The following OPN3 variants were observed in gnomAD, a reference collection of about 807,000 sequenced individuals.
The protein encoded by OPN3 is opsin-3.
OPN3 carries 29 observed loss-of-function variants against 33.8 expected under a neutral mutation model. The observed-to-expected ratio is 0.86, with a 90% CI of 0.64 to 1.17. The LOEUF (loss-of-function observed/expected upper bound fraction) is 1.17. Ranked by LOEUF, OPN3 falls within the 50% of genes most tolerant of loss-of-function variation. The pLI is 0.00. For missense variants in OPN3, 437 were observed against 514.1 expected, an observed-to-expected ratio of 0.85 and a Z score of 1.45; for synonymous variants, 216 against 216.1, an observed-to-expected ratio of 1.00 and a Z score of 0.00.
intron 1 of OPN3, among the ~76,000 whole-genome samples, chr1:241,628,196 G>C (rs574401797): frequency 6.6e-6 from 1 of 152,102 alleles, no homozygotes; most frequent in Non-Finnish European, 1.5e-5. Context: ...CTTTTGCCAG[G>C]AAACAGGAAG....
At chr1:241,602,587 T>C (rs1239104439) in intron 2 of OPN3, among the ~76,000 whole-genome samples, 2 of 152,164 alleles carry the variant, frequency 1.3e-5, no homozygotes, top group Non-Finnish European at 2.9e-5. Context: ...TCTCACTGTG[T>C]GCTTCCATGT....
At chr1:241,625,235 T>TTGC (rs1166747745) in intron 1 of OPN3, among the ~76,000 whole-genome samples, 1 of 152,228 alleles carries the variant, frequency 6.6e-6, no homozygotes, top group Non-Finnish European at 1.5e-5. Flanking sequence ...GCCTATCTCA[T>TTGC]TGCTTGGTGA....
In OPN3 at chr1:241,636,955, TA is replaced by T. The variant is rs11457259; in HGVS notation, c.373+2926del. On this transcript the variant is annotated intron_variant, in intron 1 of 3. Transcript: ENST00000366554. ...TGTTCTTATTTTTGAAGGGGAAGTT[TA>T]AAAAAAAAAAAATAATAAGGTTCTC... 2.7e-3 allele frequency among the ~76,000 whole-genome samples: 396 copies of T among 147,980 alleles called. 4 individuals carry two copies. Among genetic ancestry groups the T allele is most frequent in the Admixed American group, 0.012 (184 of 14,864 alleles).
intron 1 of OPN3, chr1:241,634,776 GT>G (rs1558447772): frequency 6.2e-7 from 1 of 1,613,934 alleles, no homozygotes. Context: ...TTGGGAGTTA[GT>G]TTTTTAGTTT....
Position 241,616,265 on chromosome 1 carries a change from C to T in OPN3, c.374-11686G>A, listed in dbSNP as rs142340791. Among the ~76,000 whole-genome samples, 603 of 152,226 alleles carry T rather than the reference C, an allele frequency of 4.0e-3. 2 individuals carry two copies. The highest frequency in any genetic ancestry group is 0.014 in the Middle Eastern group (4 of 294). Reference sequence around the variant, plus strand: ...TGCCTTAGGCTTTATATGCGGGGAACGTGTGCTAAGATAATCATCTTATTA... The same window carrying T: ...TGCCTTAGGCTTTATATGCGGGGAATGTGTGCTAAGATAATCATCTTATTA... On this transcript the variant is annotated intron_variant, in intron 1 of 3. Transcript: ENST00000366554.
Position 241,639,953 on chromosome 1 carries a change from G to A in OPN3, c.302C>T (p.Ser101Phe), listed in dbSNP as rs1389096188. 3.7e-6 allele frequency: 6 copies of A among 1,610,110 alleles called. No homozygotes were observed. In the South Asian group the frequency reaches 6.6e-5, roughly 18 times the overall value. The change falls in exon 1 of 4, where the codon TCC becomes TTC. Residue 101 changes from serine (S) to phenylalanine (F), a missense_variant. By Grantham distance (155) the Ser-to-Phe change is radical. Transcript: ENST00000366554. ...SLFGVTFTFV[S>F]CLRNGWVWDT... ...CCACACCCAGCCGTTCCTCAGGCAG[G>A]ACACGAAGGTAAAGGTGACCCCGAA...
At chr1:241,604,851 T>A (rs912801374) in intron 1 of OPN3, among the ~76,000 whole-genome samples, 2 of 150,956 alleles carry the variant, frequency 1.3e-5, no homozygotes, top group African/African-American at 4.9e-5. Flanking sequence ...AGCCTAGGAG[T>A]TCAAGACCAG....
Position 241,604,272 on chromosome 1 carries a change from A to G in OPN3, c.681T>C (p.Tyr227=), listed in dbSNP as rs1271364794. Residue 227 remains tyrosine, a synonymous_variant, in exon 2 of 4, where the codon TAT becomes TAC. Transcript: ENST00000366554. The part of the protein sequence containing the change: ...VIAHCYGHIL[Y]SIRMLRCVED... ...GTCTTCAACTCACCATTCGAATGGA[A>G]TATAGAATATGGCCATAGCAATGGG... 6.2e-7 allele frequency: 1 copy of G among 1,613,746 alleles called. No homozygotes were observed. Among genetic ancestry groups the G allele is most frequent in the Non-Finnish European group, 8.5e-7 (1 of 1,179,858 alleles).
At chr1:241,625,015 T>G (rs182526756) in intron 1 of OPN3, among the ~76,000 whole-genome samples, 1 of 152,342 alleles carries the variant, frequency 6.6e-6, no homozygotes, top group East Asian at 1.9e-4. Context: ...TAGTGCTAAG[T>G]GTTAGTTACA....
intron 1 of OPN3, chr1:241,634,673 T>C (rs146276550): frequency 2.3e-4 from 366 of 1,614,020 alleles, no homozygotes; most frequent in Admixed American, 1.8e-4. Flanking sequence ...TCCGAGACAC[T>C]GAAGGAAGTT....
intron 1 of OPN3, among the ~76,000 whole-genome samples, chr1:241,606,751 G>A (rs1007607429): frequency 6.6e-6 from 1 of 152,010 alleles, no homozygotes; most frequent in African/African-American, 2.4e-5. Flanking sequence ...GACGCAGAGA[G>A]ACTGAAAGAA....
chr1:241,635,393 AAAG>A (rs761760619), intron 1 of OPN3: 2 of 1,614,010 alleles, frequency 1.2e-6, no homozygotes, highest in East Asian at 2.2e-5. Context: ...AGACACCCCC[AAAG>A]AAGGATTTTT....
At chr1:241,638,465 T>C (rs1664987634) in intron 1 of OPN3, among the ~76,000 whole-genome samples, 1 of 152,228 alleles carries the variant, frequency 6.6e-6, no homozygotes, top group African/African-American at 2.4e-5. Context: ...TTGATGTCTG[T>C]GAACAAACAC....
intron 3 of OPN3, 30 bp from the exon 4 acceptor site, chr1:241,594,721 T>C: frequency 6.3e-7 from 1 of 1,599,554 alleles, no homozygotes. Flanking sequence ...AGTGGAATAT[T>C]AAGTAAAAGT....
In OPN3 at chr1:241,640,274, T is replaced by TGGCGGGCGGAGGCGCTCAGCTTGC; in HGVS notation, c.-44_-21dup. 1 of 1,176,358 alleles carries TGGCGGGCGGAGGCGCTCAGCTTGC rather than the reference T, an allele frequency of 8.5e-7. No homozygotes were observed. 72.9% of individuals were successfully genotyped at this position (1,176,358 alleles called of 1,614,324 possible). A position where few individuals can be genotyped will look rare whatever the true frequency, so the allele number is the denominator to read the frequency against. On this transcript the variant is annotated 5_prime_UTR_variant, in exon 1 of 4. Coordinates refer to ENST00000366554, the MANE Select transcript of OPN3 (RefSeq NM_014322.3). ...GTACATGGCCCGGCGCCGGCGCGCC[T>TGGCGGGCGGAGGCGCTCAGCTTGC]GGCGGGCGGAGGCGCTCAGCTTGCG...
chr1:241,632,664 T>C (rs1664690866), intron 1 of OPN3: 1 of 152,164 alleles, frequency 6.6e-6, no homozygotes, highest in Non-Finnish European at 1.5e-5. Context: ...CAGAAAATTG[T>C]TACTTCACAA....
chr1:241,640,260 G>A lies in OPN3; in HGVS notation c.-6C>T. On this transcript the variant is annotated 5_prime_UTR_variant, in exon 1 of 4. Transcript: ENST00000366554. ...CTGCGGTTCCCCGAGTACATGGCCC[G>A]GCGCCGGCGCGCCTGGCGGGCGGAG... The A allele has an allele frequency of 1.7e-6, 2 of 1,200,282 alleles. No homozygotes were observed. The highest frequency in any genetic ancestry group is 2.1e-6 in the Non-Finnish European group (2 of 969,786). 74.4% of individuals were successfully genotyped at this position (1,200,282 alleles called of 1,614,324 possible).
At chr1:241,618,484 G>A (rs1268438976) in intron 1 of OPN3, among the ~76,000 whole-genome samples, 1 of 152,204 alleles carries the variant, frequency 6.6e-6, no homozygotes, top group Non-Finnish European at 1.5e-5. Flanking sequence ...ATCACTATTT[G>A]CTCAATTCCC....
intron 1 of OPN3, among the ~76,000 whole-genome samples, chr1:241,626,334 G>C (rs1409647547): frequency 6.6e-6 from 1 of 152,096 alleles, no homozygotes; most frequent in Non-Finnish European, 1.5e-5. Flanking sequence ...AGCAATTCCA[G>C]GGAATGCAGA....
Sources: allele counts gnomAD v4.1 joint callset (sites outside exome capture counted in the v4.1 genomes callset), GRCh38; gene constraint gnomAD v4.1.1; transcripts MANE v1.5; gene names NCBI Gene and HGNC (gene_info 2026-07-23, HGNC 2026-07-21).